Variants in NRXN3 observed in about 807,000 individuals in gnomAD.
NRXN3 encodes neurexin III.
A neutral mutation model predicts 137.6 loss-of-function variants in NRXN3; 32 were observed. The ratio of observed to expected loss-of-function variants is 0.23; its 90% CI spans 0.18 to 0.31. The LOEUF is 0.31. NRXN3 is among the 10% of genes least tolerant of loss of function. The pLI, the probability that NRXN3 is intolerant of heterozygous loss-of-function variation, is 1.00. For missense variants in NRXN3, 1,574 were observed against 2,062.5 expected, an observed-to-expected ratio of 0.76 and a Z score of 4.59; for synonymous variants, 798 against 784.5, an observed-to-expected ratio of 1.02 and a Z score of -0.29.
intron 4 of NRXN3, among the ~76,000 whole-genome samples, chr14:78,616,233 G>A (rs1204697119): frequency 6.6e-6 from 1 of 152,174 alleles, no homozygotes; most frequent in African/African-American, 2.4e-5. Flanking sequence ...TTCTTGGCAA[G>A]GTTTGCAAAG....
intron 4 of NRXN3, among the ~76,000 whole-genome samples, chr14:78,399,677 C>T (rs1470148930): frequency 1.3e-5 from 2 of 152,194 alleles, no homozygotes; most frequent in Non-Finnish European, 2.9e-5. Flanking sequence ...TTAGTTGGCC[C>T]TTAATAACTA....
At chr14:79,505,226 A>C (rs1322898661) in intron 16 of NRXN3, among the ~76,000 whole-genome samples, 2 of 152,030 alleles carry the variant, frequency 1.3e-5, no homozygotes, top group African/African-American at 4.8e-5. Flanking sequence ...AAAAAAAAAA[A>C]AAAAAGGTGT....
At chr14:78,496,524 C>G (rs2095788500) in intron 4 of NRXN3, among the ~76,000 whole-genome samples, 1 of 151,914 alleles carries the variant, frequency 6.6e-6, no homozygotes, top group Non-Finnish European at 1.5e-5. Flanking sequence ...ATGTGCCAGA[C>G]ACTGTTTTAG....
intron 10 of NRXN3, among the ~76,000 whole-genome samples, chr14:78,817,136 T>C (rs1199669950): frequency 6.6e-6 from 1 of 152,198 alleles, no homozygotes; most frequent in Non-Finnish European, 1.5e-5. Context: ...GACAGGCATT[T>C]AGTGCAATTA....
rs773188124 is a variant in NRXN3, at chr14:79,863,862, TG to T, written c.*1899del. The T allele has an allele frequency of 8.5e-5, 13 of 152,644 alleles. No individual in the cohort carries two copies. In the East Asian group the frequency reaches 2.1e-3, roughly 25 times the overall value. The allele number at this position is 152,644 out of a possible 1,614,324, so 9.5% of individuals were successfully genotyped here. On this transcript the variant is annotated 3_prime_UTR_variant, in exon 21 of 21. Transcript: ENST00000335750. ...TTAGAAATCTACTCTTGCTGGTCTT[TG>T]TAAGTTGCATGAATATTTGACTTTG...
At chr14:79,176,691 C>A (rs746341762) in intron 15 of NRXN3, among the ~76,000 whole-genome samples, 3 of 152,186 alleles carry the variant, frequency 2.0e-5, no homozygotes, top group Non-Finnish European at 4.4e-5. Context: ...TCCCTCCTAC[C>A]CATTCATGTT....
chr14:79,189,635 G>T (rs1329776779), intron 15 of NRXN3, among the ~76,000 whole-genome samples: 1 of 152,136 alleles, frequency 6.6e-6, no homozygotes, highest in African/African-American at 2.4e-5. Flanking sequence ...AGACGAATAT[G>T]GCTTTTGCTT....
At position 78,994,963 on chromosome 14, in the gene NRXN3, T is replaced by C. The variant is rs888046577; in HGVS notation, c.3262+6822T>C. ...GATTTTAATTATGACAAAACTGAGA[T>C]CACACTGTTAGAATATAGCTGATTG... On this transcript the variant is annotated intron_variant, in intron 15 of 20. Transcript: ENST00000335750. 4.6e-5 allele frequency among the ~76,000 whole-genome samples: 7 copies of C among 152,276 alleles called. No individual in the cohort carries two copies. The East Asian group carries it at 1.4e-3, about 29-fold the overall frequency.
chr14:79,166,420 C>G (rs1273424018), intron 15 of NRXN3, among the ~76,000 whole-genome samples: 1 of 151,160 alleles, frequency 6.6e-6, no homozygotes, highest in African/African-American at 2.4e-5. Flanking sequence ...GTCACACAAA[C>G]GTTCATCTAT....
intron 15 of NRXN3, among the ~76,000 whole-genome samples, chr14:79,116,284 A>G (rs1263929151): frequency 6.6e-6 from 1 of 152,184 alleles, no homozygotes; most frequent in East Asian, 1.9e-4. Flanking sequence ...CAGCCGGCTA[A>G]TGGATGGAGA....
At chr14:79,668,594 G>T (rs563393577) in intron 17 of NRXN3, among the ~76,000 whole-genome samples, 1 of 151,988 alleles carries the variant, frequency 6.6e-6, no homozygotes, top group Non-Finnish European at 1.5e-5. Flanking sequence ...ATTTCTTTTT[G>T]TAAAAACATA....
intron 4 of NRXN3, among the ~76,000 whole-genome samples, chr14:78,492,021 G>A (rs1382781921): frequency 1.3e-5 from 2 of 152,156 alleles, no homozygotes; most frequent in Non-Finnish European, 2.9e-5. Context: ...CTGACTCTGG[G>A]CAAGTTACTT....
chr14:78,271,693 C>G (rs927270730), intron 2 of NRXN3, among the ~76,000 whole-genome samples: 1 of 152,150 alleles, frequency 6.6e-6, no homozygotes, highest in Non-Finnish European at 1.5e-5. Flanking sequence ...CGCTGCCTGC[C>G]CAGGCTGACT....
chr14:79,270,994 C>T (rs1328222697), intron 15 of NRXN3, among the ~76,000 whole-genome samples: 1 of 152,190 alleles, frequency 6.6e-6, no homozygotes, highest in African/African-American at 2.4e-5. Context: ...TTATTCTCCT[C>T]TCAAATTCTC....
At chr14:79,005,500 T>G (rs2099550517) in intron 15 of NRXN3, among the ~76,000 whole-genome samples, 1 of 152,214 alleles carries the variant, frequency 6.6e-6, no homozygotes, top group Admixed American at 6.5e-5. Flanking sequence ...TTCTTCATAT[T>G]TCTTTGTGTC....
chr14:78,175,512 C>G (rs1223449179), intron 1 of NRXN3, among the ~76,000 whole-genome samples: 1 of 150,948 alleles, frequency 6.6e-6, no homozygotes, highest in Non-Finnish European at 1.5e-5. Context: ...TGGTCTGGGA[C>G]CTGCTGTGGT....
At position 79,289,802 on chromosome 14, in the gene NRXN3, G is replaced by C. The variant is rs183231654; in HGVS notation, c.3263-177419G>C. 3.4e-4 allele frequency among the ~76,000 whole-genome samples: 51 copies of C among 152,228 alleles called. 1 individual carries two copies. In the East Asian group the frequency reaches 9.3e-3, roughly 28 times the overall value. ...CCTGGTTGGATGTCACTTGCCAGAA[G>C]GCAGGAAAGAAATGGCCTGTCTGTT... is the stretch of plus-strand genomic sequence containing the variant. On this transcript the variant is annotated intron_variant, in intron 15 of 20. Transcript: ENST00000335750.
chr14:79,536,818 C>T (rs985224583), intron 16 of NRXN3, among the ~76,000 whole-genome samples: 1 of 152,092 alleles, frequency 6.6e-6, no homozygotes, highest in Non-Finnish European at 1.5e-5. Context: ...CATAGTATTC[C>T]ATGGTATCTA....
intron 15 of NRXN3, among the ~76,000 whole-genome samples, chr14:79,040,804 T>C (rs1314788418): frequency 6.6e-6 from 1 of 152,202 alleles, no homozygotes; most frequent in African/African-American, 2.4e-5. Flanking sequence ...AATGCGCATG[T>C]GGGCTCTTAG....
Sources: gnomAD v4.1 joint callset for allele counts (sites outside exome capture counted in the v4.1 genomes callset) on GRCh38, gnomAD v4.1.1 for gene constraint, MANE v1.5 for transcripts, NCBI Gene and HGNC (gene_info 2026-07-23, HGNC 2026-07-21) for gene names.